COA8: variants seen among roughly 807,000 people sequenced by gnomAD.
The protein encoded by COA8 is UPF0671 protein C14orf153.
A neutral mutation model predicts 22.0 loss-of-function variants in COA8; 20 were observed. That is an observed-to-expected ratio of 0.91 (90% CI 0.64 to 1.32). The LOEUF is 1.32. Among genes scored for constraint, COA8 ranks in the 40% most tolerant of loss-of-function variants. The pLI is 0.00. For synonymous variants in COA8, 105 were observed against 79.9 expected, an observed-to-expected ratio of 1.31 and a Z score of -1.68; for missense variants, 266 against 230.0, an observed-to-expected ratio of 1.16 and a Z score of -1.01.
Position 103,571,753 on chromosome 14 carries a change from A to C in COA8, c.254A>C (p.Lys85Thr), listed in dbSNP as rs1188922011. The change falls in exon 2 of 5, where the codon AAA becomes ACA. Residue 85 changes from lysine to threonine, a missense_variant. By Grantham distance (78) the Lys-to-Thr change is moderately conservative. Coordinates refer to ENST00000409074, the MANE Select transcript of COA8 (RefSeq NM_001370595.2). ...NESPLEQKLRKLRQETQEWNQ... is the reference protein window; with the variant it reads ...NESPLEQKLRTLRQETQEWNQ... ...TCTCCATTGGAACAAAAGCTTAGAA[A>C]ATTAAGACAAGAAACACAAGAATGG... 6.2e-7 allele frequency: 1 copy of C among 1,614,186 alleles called. No individual in the cohort carries two copies.
Position 103,563,083 on chromosome 14 carries a change from C to G in COA8, c.82C>G (p.Pro28Ala). ...CGCCTGCCGCGGCTGTCAACTCGCT[C>G]CGGAGCGCGGCGCCGAGCGCAGGGA... Reference protein sequence around the residue: ...AFACRGCQLAPERGAERRDTA... With the variant: ...AFACRGCQLAAERGAERRDTA... Residue 28 changes from proline to alanine, a missense_variant, in exon 1 of 5, where the codon CCG becomes GCG. Pro to Ala is a conservative substitution (Grantham distance 27, BLOSUM62 -1). Coordinates refer to ENST00000409074, the MANE Select transcript of COA8 (RefSeq NM_001370595.2). The G allele has an allele frequency of 1.3e-6, 2 of 1,540,652 alleles. No homozygotes were observed. Among genetic ancestry groups the G allele is most frequent in the Admixed American group, 1.9e-5 (1 of 51,540 alleles).
chr14:103,578,024 CAA>C (rs780479034), intron 3 of COA8, among the ~76,000 whole-genome samples: 21 of 49,140 alleles, frequency 4.3e-4, no homozygotes, highest in East Asian at 2.9e-3. Flanking sequence ...AACTCCATCT[CAA>C]AAAAAAAAAA....
intron 1 of COA8, among the ~76,000 whole-genome samples, chr14:103,563,537 C>A (rs1156987621): frequency 2.6e-5 from 4 of 152,144 alleles, no homozygotes; most frequent in Admixed American, 2.6e-4. Flanking sequence ...ACTTTATCAT[C>A]GTACTTTTGT....
intron 2 of COA8, among the ~76,000 whole-genome samples, chr14:103,573,190 A>G (rs901750119): frequency 6.6e-6 from 1 of 151,798 alleles, no homozygotes; most frequent in African/African-American, 2.4e-5. Context: ...TTCTTCTGAG[A>G]TGGAGTTTCA....
chr14:103,586,707 T>C (rs1366833490), intron 3 of COA8, among the ~76,000 whole-genome samples: 1 of 150,364 alleles, frequency 6.7e-6, no homozygotes, highest in Non-Finnish European at 1.5e-5. Flanking sequence ...TGATCTGGGC[T>C]CATTGTAACC....
At chr14:103,577,238 TTG>T (rs140756546) in intron 3 of COA8, among the ~76,000 whole-genome samples, 6 of 150,722 alleles carry the variant, frequency 4.0e-5, no homozygotes, top group Admixed American at 6.6e-5. Flanking sequence ...CCTGGCTAAT[TTG>T]TGTGTGTGTG....
chr14:103,589,945 C>T (rs1006691094), intron 4 of COA8, among the ~76,000 whole-genome samples: 4 of 151,620 alleles, frequency 2.6e-5, no homozygotes, highest in Non-Finnish European at 4.4e-5. Context: ...AGGATGGTGG[C>T]GGCCTCCAGA....
chr14:103,571,628 A>C lies in COA8; in HGVS notation c.129A>C (p.Ser43=), dbSNP rs143925033. The C allele has an allele frequency of 3.2e-5, 51 of 1,613,740 alleles. 2 individuals are homozygous for C. The African/African-American group carries it at 4.8e-4, about 15-fold the overall frequency. ...ERRDTAPSGV[S]RFCPPRKSCH... is the part of the protein sequence containing the mutation. ...TCCAATTTACTTTGTTAAAGGTCTC[A>C]AGATTCTGCCCTCCAAGAAAGTCTT... The change falls in exon 2 of 5, where the codon TCA becomes TCC. Residue 43 remains serine (S), a synonymous_variant. Transcript: ENST00000409074.
At position 103,581,629 on chromosome 14, in the gene COA8, G is replaced by T. The variant is rs1182496308; in HGVS notation, c.386-5645G>T. On this transcript the variant is annotated intron_variant, in intron 3 of 4. Transcript: ENST00000409074. This position sits in a 1 kb window ranked among gnomAD's most constrained non-coding sequence, Gnocchi z 4.1. ...AGAAAAACCATGGATGGAGGGGACAGCTGTGCTGCCGCCATCTCCCTTACA... is the reference window on the plus strand; with the variant it reads ...AGAAAAACCATGGATGGAGGGGACATCTGTGCTGCCGCCATCTCCCTTACA... 2 of 398,626 alleles carry T rather than the reference G, an allele frequency of 5.0e-6. No individual in the cohort carries two copies. The highest frequency in any genetic ancestry group is 2.1e-5 in the African/African-American group (1 of 48,658). The allele number at this position is 398,626 out of a possible 1,614,324, so 24.7% of individuals were successfully genotyped here. A position where few individuals can be genotyped will look rare whatever the true frequency, so the allele number is the denominator to read the frequency against.
intron 3 of COA8, among the ~76,000 whole-genome samples, chr14:103,576,968 C>G (rs556495426): frequency 1.3e-5 from 2 of 152,310 alleles, no homozygotes; most frequent in East Asian, 3.9e-4. Flanking sequence ...GCAATTTGGA[C>G]TTCAGGAAAA....
Position 103,571,676 on chromosome 14 carries a change from A to C in COA8, c.177A>C (p.Pro59=). ...CTTGCCATGATTGGATAGGACCCCCAGATAAATATTCAAACCTTCGACCTG... is the reference window on the plus strand; with the variant it reads ...CTTGCCATGATTGGATAGGACCCCCCGATAAATATTCAAACCTTCGACCTG... ...RKSCHDWIGP[P]DKYSNLRPVH... The change falls in exon 2 of 5, where the codon CCA becomes CCC. Residue 59 remains proline, a synonymous_variant. Transcript: ENST00000409074. 1 of 1,614,248 alleles carries C rather than the reference A, an allele frequency of 6.2e-7. No homozygotes were observed. Among genetic ancestry groups the C allele is most frequent in the Non-Finnish European group, 8.5e-7 (1 of 1,180,040 alleles).
chr14:103,590,067 C>T (rs1402278555), intron 4 of COA8, 114 bp from the exon 5 acceptor site: 2 of 795,982 alleles, frequency 2.5e-6, no homozygotes, highest in East Asian at 5.0e-5. Context: ...AAGGGCAAAG[C>T]AGTTGAGGCC....
At chr14:103,563,232 C>T (rs1281508014) in intron 1 of COA8, 108 bp downstream of exon 1, 1 of 1,415,800 alleles carries the variant, frequency 7.1e-7, no homozygotes, top group Non-Finnish European at 9.6e-7. Context: ...AGGCCTTTGT[C>T]CAGGTGCTCT....
chr14:103,575,522 A>G (rs1317853599), intron 3 of COA8, among the ~76,000 whole-genome samples: 1 of 152,110 alleles, frequency 6.6e-6, no homozygotes, highest in Non-Finnish European at 1.5e-5. Flanking sequence ...GCCAGAGCAC[A>G]TGTCTTGTAC....
intron 3 of COA8, among the ~76,000 whole-genome samples, chr14:103,583,840 C>T (rs570941528): frequency 6.6e-6 from 1 of 152,216 alleles, no homozygotes; most frequent in African/African-American, 2.4e-5. Context: ...ATAAATCAGA[C>T]TATGACCCCC....
chr14:103,574,301 C>T (rs1346492834), intron 3 of COA8, 131 bp downstream of exon 3: 55 of 1,205,054 alleles, frequency 4.6e-5, no homozygotes, highest in Admixed American at 3.8e-4. Flanking sequence ...GGGCAGTGCT[C>T]GGCACACCCC....
chr14:103,568,194 A>G (rs943638565), intron 1 of COA8, among the ~76,000 whole-genome samples: 3 of 152,136 alleles, frequency 2.0e-5, no homozygotes, highest in Non-Finnish European at 4.4e-5. Flanking sequence ...GCTTTGTGTC[A>G]TGTACGGGCA....
At chr14:103,588,844 AAAG>A (rs1356040007) in intron 4 of COA8, among the ~76,000 whole-genome samples, 2 of 152,188 alleles carry the variant, frequency 1.3e-5, no homozygotes, top group Non-Finnish European at 2.9e-5. Flanking sequence ...CCTAATAAAA[AAAG>A]AGAATATAGA....
At chr14:103,586,749 A>G (rs540266936) in intron 3 of COA8, among the ~76,000 whole-genome samples, 16 of 149,888 alleles carry the variant, frequency 1.1e-4, no homozygotes, top group African/African-American at 3.9e-4. Flanking sequence ...CAGTATTTTT[A>G]GTAGAGACGG....
Sources: allele counts gnomAD v4.1 joint callset (sites outside exome capture counted in the v4.1 genomes callset), GRCh38; gene constraint gnomAD v4.1.1; non-coding constraint Gnocchi (gnomAD v3.1); transcripts MANE v1.5; gene names NCBI Gene and HGNC (gene_info 2026-07-23, HGNC 2026-07-21).